Variants in PC observed in about 807,000 individuals in gnomAD.
PC encodes pyruvate carboxylase, mitochondrial.
In PC, 46 loss-of-function variants were observed where a neutral mutation model predicts 107.8. The observed-to-expected ratio is 0.43, with a 90% confidence interval of 0.34 to 0.55. The LOEUF (loss-of-function observed/expected upper bound fraction) is 0.55, where lower values mean the gene tolerates loss of function less well. Ranked by LOEUF, PC falls within the 20% of genes least tolerant of loss-of-function variation. The probability of loss-of-function intolerance (pLI) is 0.04; values close to 1 mark genes in which losing one functional copy is unlikely to be tolerated. For missense variants in PC, 1,241 were observed against 1,643.1 expected (o/e 0.76, Z 4.23); for synonymous variants, 662 against 684.7 (o/e 0.97, Z 0.52).
chr11:66,916,079 G>A (rs1465351467), intron 3 of PC, among the ~76,000 whole-genome samples: 1 of 152,142 alleles, frequency 6.6e-6, no homozygotes, highest in Non-Finnish European at 1.5e-5. Flanking sequence ...CCTATTGCTG[G>A]AGGGGATCAG....
At chr11:66,897,358 G>A (rs1947796201) in intron 3 of PC, among the ~76,000 whole-genome samples, 1 of 152,186 alleles carries the variant, frequency 6.6e-6, no homozygotes, top group African/African-American at 2.4e-5. Flanking sequence ...ATTACCTGAG[G>A]CCAAGAGTTC....
chr11:66,911,632 T>G (rs1948336409), intron 3 of PC, among the ~76,000 whole-genome samples: 1 of 151,630 alleles, frequency 6.6e-6, no homozygotes, highest in African/African-American at 2.4e-5. Flanking sequence ...TTAGTCTAGT[T>G]AAGAAGGAAG....
intron 3 of PC, among the ~76,000 whole-genome samples, chr11:66,873,541 A>G (rs1384754387): frequency 9.8e-6 from 1 of 102,044 alleles, no homozygotes; most frequent in Non-Finnish European, 1.8e-5. Flanking sequence ...TATATATTAT[A>G]TATAATATTA....
chr11:66,954,186 G>C (rs1318053048), intron 2 of PC, 63 bp downstream of exon 2: 2 of 152,204 alleles, frequency 1.3e-5, no homozygotes, highest in African/African-American at 4.8e-5. Flanking sequence ...GGGGGACCGT[G>C]AGAAGTGAGT....
intron 3 of PC, among the ~76,000 whole-genome samples, chr11:66,903,767 A>ATATAT (rs1304149612): frequency 5.4e-5 from 6 of 112,010 alleles, no homozygotes; most frequent in East Asian, 2.4e-4. Context: ...AAAAAAAAAA[A>ATATAT]AAAAAAATAT....
intron 3 of PC, among the ~76,000 whole-genome samples, chr11:66,886,259 AG>A (rs1947357882): frequency 6.7e-6 from 1 of 149,808 alleles, no homozygotes; most frequent in Non-Finnish European, 1.5e-5. Context: ...GCTGGAGCAA[AG>A]GCAGATAAGG....
chr11:66,850,279 AC>A lies in PC; in HGVS notation c.2658del (p.Lys886AsnfsTer22). 6.2e-7 allele frequency: 1 copy of A among 1,614,042 alleles called. No homozygotes were observed. Among genetic ancestry groups the A allele is most frequent in the Non-Finnish European group, 8.5e-7 (1 of 1,179,994 alleles). On this transcript the variant is annotated frameshift_variant, in exon 19 of 23. Coordinates refer to ENST00000393960, the MANE Select transcript of PC (RefSeq NM_001040716.2). LOFTEE classifies it high-confidence loss of function. ...FQAHSMGLGS[K>X]FKEVKKAYVE... ...ACATAGGCCTTCTTGACCTCCTTGA[AC>A]TTGGAGCCAAGCCCCATGCTGTGGG...
At chr11:66,888,583 T>G (rs913477384) in intron 3 of PC, among the ~76,000 whole-genome samples, 9 of 152,118 alleles carry the variant, frequency 5.9e-5, no homozygotes, top group African/African-American at 1.9e-4. Context: ...GCCAGGCACC[T>G]GGACAGCAGC....
chr11:66,852,533 C>G lies in PC; in HGVS notation c.1731G>C (p.Leu577=). The change falls in exon 15 of 23, where the codon CTG becomes CTC. Residue 577 remains leucine (L), a synonymous_variant. Transcript: ENST00000393960. The surrounding 1 kb of genome is among the most constrained non-coding windows in gnomAD (Gnocchi z 4.7). ...CGTGGGTGCGCACACGAGTGGCCAGCAGTGACTGGTGGGCGTCCCTGAAGG... is the reference window on the plus strand; with the variant it reads ...CGTGGGTGCGCACACGAGTGGCCAGGAGTGACTGGTGGGCGTCCCTGAAGG... The part of the protein sequence containing the change: ...DTTFRDAHQS[L]LATRVRTHDL... 6.2e-7 allele frequency: 1 copy of G among 1,614,102 alleles called. No homozygotes were observed. The highest frequency in any genetic ancestry group is 8.5e-7 in the Non-Finnish European group (1 of 1,180,034).
In PC at chr11:66,870,461, G is replaced by A. The variant is rs2135936097; in HGVS notation, c.752-8C>T. On this transcript the variant is annotated splice_polypyrimidine_tract_variant and splice_region_variant and intron_variant, in intron 8 of 22. Transcript: ENST00000393960. This position sits in a 1 kb window ranked among gnomAD's most constrained non-coding sequence, Gnocchi z 6.1. Reference sequence around the variant, plus strand: ...TGTTCCCATACTGGTCCCCTGGGGAGGGAGGTAAACTGGGCTTAGCTTTTA... The same window carrying A: ...TGTTCCCATACTGGTCCCCTGGGGAAGGAGGTAAACTGGGCTTAGCTTTTA... 1 of 1,612,786 alleles carries A rather than the reference G, an allele frequency of 6.2e-7. No homozygotes were observed. Among genetic ancestry groups the A allele is most frequent in the Non-Finnish European group, 8.5e-7 (1 of 1,179,942 alleles).
intron 3 of PC, among the ~76,000 whole-genome samples, chr11:66,929,403 G>A (rs867650681): frequency 1.3e-5 from 2 of 152,054 alleles, no homozygotes; most frequent in Admixed American, 6.6e-5. Flanking sequence ...GTCTCGCTCT[G>A]TCCCCCAGGC....
intron 3 of PC, among the ~76,000 whole-genome samples, chr11:66,942,919 G>A (rs1010811857): frequency 1.2e-4 from 18 of 152,088 alleles, no homozygotes; most frequent in Non-Finnish European, 1.6e-4. Context: ...GGGAGGCTGA[G>A]GCAGGAGAAT....
At chr11:66,885,864 A>G (rs1947340269) in intron 3 of PC, among the ~76,000 whole-genome samples, 1 of 152,238 alleles carries the variant, frequency 6.6e-6, no homozygotes, top group Admixed American at 6.5e-5. Flanking sequence ...CTGTGATGGC[A>G]GCTGTAGGAA....
intron 3 of PC, among the ~76,000 whole-genome samples, chr11:66,894,991 C>T (rs1177518983): frequency 6.7e-6 from 1 of 149,020 alleles, no homozygotes; most frequent in Non-Finnish European, 1.5e-5. Flanking sequence ...CATTGCACTC[C>T]AGCCTGGGTG....
chr11:66,882,701 G>GAA (rs1947225862), intron 3 of PC, among the ~76,000 whole-genome samples: 1 of 152,256 alleles, frequency 6.6e-6, no homozygotes, highest in African/African-American at 2.4e-5. Context: ...GTCAGAACCA[G>GAA]AAAGAAAGAG....
intron 3 of PC, among the ~76,000 whole-genome samples, chr11:66,922,815 T>C (rs540167514): frequency 6.6e-6 from 1 of 152,306 alleles, no homozygotes; most frequent in Non-Finnish European, 1.5e-5. Flanking sequence ...CTTCTTAGGC[T>C]TTAACCCTGA....
At chr11:66,890,746 C>G (rs1947545957) in intron 3 of PC, among the ~76,000 whole-genome samples, 1 of 151,846 alleles carries the variant, frequency 6.6e-6, no homozygotes, top group East Asian at 1.9e-4. Flanking sequence ...CTCAGGCGAT[C>G]CACCCACCTC....
At chr11:66,920,651 C>T (rs1591283941) in intron 3 of PC, among the ~76,000 whole-genome samples, 1 of 152,138 alleles carries the variant, frequency 6.6e-6, no homozygotes, top group East Asian at 1.9e-4. Flanking sequence ...AAGCAGCCTC[C>T]CCGCCTTGAC....
At position 66,866,855 on chromosome 11, in the gene PC, G is replaced by C. The variant is rs1946521634; in HGVS notation, c.1023-506C>G. The stretch of plus-strand genomic sequence containing the variant: ...TGTGCAAGGGAACAGGTGCTGTGAA[G>C]GCTGGGCTCCTCGAAATGGTAACCA... On this transcript the variant is annotated intron_variant, in intron 10 of 22. Transcript: ENST00000393960. This position sits in a 1 kb window ranked among gnomAD's most constrained non-coding sequence, Gnocchi z 5.4. Among the ~76,000 whole-genome samples, 1 of 152,176 alleles carries C rather than the reference G, an allele frequency of 6.6e-6. No homozygotes were observed. The highest frequency in any genetic ancestry group is 1.5e-5 in the Non-Finnish European group (1 of 68,044).
Sources: allele counts gnomAD v4.1 joint callset (sites outside exome capture counted in the v4.1 genomes callset), GRCh38; gene constraint gnomAD v4.1.1; non-coding constraint Gnocchi (gnomAD v3.1); transcripts MANE v1.5; gene names NCBI Gene and HGNC (gene_info 2026-07-23, HGNC 2026-07-21).